Variants in ANXA8 observed in about 807,000 individuals in gnomAD.
The protein encoded by ANXA8 is VAC-beta.
A neutral mutation model predicts 26.8 loss-of-function variants in ANXA8; 9 were observed. The ratio of observed to expected loss-of-function variants is 0.34; its 90% CI spans 0.20 to 0.59. The LOEUF (loss-of-function observed/expected upper bound fraction) is 0.59. Among genes scored for constraint, ANXA8 ranks in the 20% least tolerant of loss-of-function variants. The probability of loss-of-function intolerance (pLI) is 0.84; values close to 1 mark genes in which losing one functional copy is unlikely to be tolerated. For synonymous variants in ANXA8, 39 were observed against 94.8 expected (o/e 0.41, Z 3.42); for missense variants, 83 against 238.5 (o/e 0.35, Z 4.29).
At chr10:47,689,486 C>A in the ANXA8 span, among the ~76,000 whole-genome samples, 3 of 151,974 alleles carry the variant, frequency 2.0e-5, no homozygotes, top group Middle Eastern at 6.8e-3. Context: ...TAAAGAGAGT[C>A]TTTAGGTGAA....
the ANXA8 span, chr10:47,502,294 C>G: frequency 5.0e-6 from 8 of 1,601,332 alleles, no homozygotes; most frequent in Middle Eastern, 4.4e-4. Flanking sequence ...CACCTCCTCA[C>G]GGGAGCCATG....
intron 4 of ANXA8, among the ~76,000 whole-genome samples, chr10:47,476,814 G>A (rs1220099910): frequency 2.8e-5 from 3 of 107,444 alleles, no homozygotes; most frequent in Non-Finnish European, 5.8e-5. Context: ...CAATACCACT[G>A]TACACCTGAG....
At chr10:47,491,695 C>G in the ANXA8 span, 1 of 1,531,554 alleles carries the variant, frequency 6.5e-7, no homozygotes, top group Non-Finnish European at 8.8e-7. Flanking sequence ...CAGACAGTGG[C>G]GAACTAGGAT....
upstream of ANXA8, chr10:47,487,199 A>G: frequency 2.5e-6 from 2 of 793,748 alleles, no homozygotes; most frequent in Admixed American, 2.8e-5. Context: ...TCCAAATGGG[A>G]ATAAATCCAG....
the ANXA8 span, among the ~76,000 whole-genome samples, chr10:47,733,247 C>T: frequency 1.6e-4 from 14 of 87,522 alleles, no homozygotes; most frequent in African/African-American, 4.2e-4. Context: ...TTCTTTCTTT[C>T]TTTCTTTCTT....
At chr10:47,584,707 C>T in the ANXA8 span, among the ~76,000 whole-genome samples, 1 of 104,656 alleles carries the variant, frequency 9.6e-6, no homozygotes, top group Non-Finnish European at 1.8e-5. Flanking sequence ...AGAAACTCTT[C>T]CTGAGATCTG....
chr10:47,967,171 G>A, the ANXA8 span, among the ~76,000 whole-genome samples: 1 of 148,858 alleles, frequency 6.7e-6, no homozygotes, highest in African/African-American at 2.4e-5. Flanking sequence ...AGAGAAAACA[G>A]TTTCTATCCT....
At chr10:47,736,354 C>G in the ANXA8 span, among the ~76,000 whole-genome samples, 13 of 67,558 alleles carry the variant, frequency 1.9e-4, no homozygotes, top group Non-Finnish European at 2.9e-4. Flanking sequence ...ATAAATGGGA[C>G]CATTCCATAT....
At chr10:47,972,588 A>C in the ANXA8 span, among the ~76,000 whole-genome samples, 1 of 110,758 alleles carries the variant, frequency 9.0e-6, no homozygotes, top group South Asian at 3.4e-4. Context: ...CAAAAGAGGA[A>C]ACAGGTCCAG....
chr10:47,928,750 CTT>C, the ANXA8 span, among the ~76,000 whole-genome samples: 10 of 102,764 alleles, frequency 9.7e-5, no homozygotes, highest in South Asian at 7.2e-4. Context: ...CTCTCTCTCT[CTT>C]TTTTTTTTTT....
chr10:47,626,958 C>T, the ANXA8 span, among the ~76,000 whole-genome samples: 1 of 149,472 alleles, frequency 6.7e-6, no homozygotes, highest in Non-Finnish European at 1.5e-5. Context: ...GAAATTCCCT[C>T]CATCTCCTCG....
chr10:47,516,236 T>G, the ANXA8 span, among the ~76,000 whole-genome samples: 15 of 80,612 alleles, frequency 1.9e-4, no homozygotes, highest in African/African-American at 8.0e-4. Context: ...AGAGATAGTC[T>G]GCAGGTTTAG....
At chr10:47,768,346 A>G in the ANXA8 span, among the ~76,000 whole-genome samples, 83 of 151,374 alleles carry the variant, frequency 5.5e-4, no homozygotes, top group East Asian at 1.5e-3. Flanking sequence ...ATAAGAGGGC[A>G]GAAAGACTTT....
At chr10:47,733,283 CTTTCTT>C in the ANXA8 span, among the ~76,000 whole-genome samples, 1 of 80,524 alleles carries the variant, frequency 1.2e-5, no homozygotes, top group Non-Finnish European at 2.4e-5. Context: ...TTCTTTCTTT[CTTTCTT>C]TCTTTCTTTT....
chr10:47,976,543 TTACAC>T, the ANXA8 span, among the ~76,000 whole-genome samples: 1,803 of 80,468 alleles, frequency 0.022, no homozygotes, highest in Middle Eastern at 0.038. Context: ...ACCTCTGTCT[TTACAC>T]ACACACACAC....
the ANXA8 span, among the ~76,000 whole-genome samples, chr10:47,703,287 G>A: frequency 6.6e-6 from 1 of 151,622 alleles, no homozygotes; most frequent in Non-Finnish European, 1.5e-5. Context: ...AGAATTACTG[G>A]CCATGCTCAG....
the ANXA8 span, among the ~76,000 whole-genome samples, chr10:47,595,839 G>A: frequency 6.8e-6 from 1 of 148,038 alleles, no homozygotes; most frequent in Non-Finnish European, 1.5e-5. Context: ...CACTGACAGT[G>A]GTAGATAGAT....
chr10:47,729,794 T>C, the ANXA8 span, among the ~76,000 whole-genome samples: 1 of 139,904 alleles, frequency 7.1e-6, no homozygotes, highest in East Asian at 2.9e-4. Flanking sequence ...AGAGAAGGTA[T>C]AGAAAGAGTA....
chr10:47,991,520 C>T, the ANXA8 span, among the ~76,000 whole-genome samples: 2 of 149,428 alleles, frequency 1.3e-5, no homozygotes, highest in Middle Eastern at 3.4e-3. Flanking sequence ...GGGGCTGTTT[C>T]TTCTCGGCCC....
Sources: allele counts gnomAD v4.1 joint callset (sites outside exome capture counted in the v4.1 genomes callset), GRCh38; gene constraint gnomAD v4.1.1; transcripts MANE v1.5; gene names NCBI Gene and HGNC (gene_info 2026-07-23, HGNC 2026-07-21).